The following SPIN1 variants were observed in gnomAD, a reference collection of about 807,000 sequenced individuals.
SPIN1 encodes the protein spindlin-1.
Under a neutral mutation model 26.0 loss-of-function variants are expected in SPIN1, and 3 were observed. That is an observed-to-expected ratio of 0.12 (90% CI 0.05 to 0.30). The LOEUF (loss-of-function observed/expected upper bound fraction) is 0.30, where lower values mean the gene tolerates loss of function less well. Among genes scored for constraint, SPIN1 ranks in the 10% least tolerant of loss-of-function variants. The pLI, the probability that SPIN1 is intolerant of heterozygous loss-of-function variation, is 1.00. For synonymous variants in SPIN1, 101 were observed against 116.5 expected (o/e 0.87, Z 0.86); for missense variants, 126 against 333.4 (o/e 0.38, Z 4.84).
At chr9:88,466,475 C>G (rs1037082361) in intron 4 of SPIN1, among the ~76,000 whole-genome samples, 1 of 152,136 alleles carries the variant, frequency 6.6e-6, no homozygotes, top group African/African-American at 2.4e-5. Context: ...TAAGAATGCA[C>G]ATGGAGTTCT....
At chr9:88,409,157 G>A (rs960313525) in intron 1 of SPIN1, among the ~76,000 whole-genome samples, 1 of 151,512 alleles carries the variant, frequency 6.6e-6, no homozygotes. Flanking sequence ...CACCATGCCC[G>A]GCTAATTTTG....
intron 1 of SPIN1, among the ~76,000 whole-genome samples, chr9:88,389,036 C>T (rs995393351): frequency 2.0e-5 from 3 of 151,616 alleles, no homozygotes; most frequent in African/African-American, 2.4e-5. Context: ...GACCCCGGCG[C>T]GACGGGTCGG....
chr9:88,461,850 T>C (rs996627728), intron 3 of SPIN1, among the ~76,000 whole-genome samples: 15 of 152,246 alleles, frequency 9.9e-5, no homozygotes, highest in Non-Finnish European at 2.9e-5. Context: ...GTTTGATGTT[T>C]CAATAATTTT....
At chr9:88,439,919 T>C (rs1186185981) in intron 2 of SPIN1, among the ~76,000 whole-genome samples, 1 of 152,236 alleles carries the variant, frequency 6.6e-6, no homozygotes, top group Non-Finnish European at 1.5e-5. Context: ...ATGTTGTTTT[T>C]GATCCACTCT....
intron 1 of SPIN1, among the ~76,000 whole-genome samples, chr9:88,413,187 C>T (rs977545647): frequency 1.3e-5 from 2 of 151,138 alleles, no homozygotes; most frequent in African/African-American, 4.9e-5. Context: ...CTGCCTCAGC[C>T]TCCTGAGTAG....
At chr9:88,457,842 G>C in intron 3 of SPIN1, 1 of 983,132 alleles carries the variant, frequency 1.0e-6, no homozygotes, top group Non-Finnish European at 1.2e-6. Flanking sequence ...AAAATACTAC[G>C]CAAAAAGCAA....
chr9:88,421,401 C>G (rs1827664245), intron 1 of SPIN1, among the ~76,000 whole-genome samples: 1 of 152,088 alleles, frequency 6.6e-6, no homozygotes, highest in African/African-American at 2.4e-5. Context: ...CTCCTGGTCT[C>G]ATGTGATCCT....
chr9:88,460,649 CAGG>C (rs1828560992), intron 3 of SPIN1, among the ~76,000 whole-genome samples: 1 of 152,108 alleles, frequency 6.6e-6, no homozygotes, highest in Admixed American at 6.5e-5. Context: ...AGTCCAAGGG[CAGG>C]AGAAGACTGA....
chr9:88,455,190 C>T (rs138800416), intron 3 of SPIN1, among the ~76,000 whole-genome samples: 107 of 152,304 alleles, frequency 7.0e-4, no homozygotes, highest in African/African-American at 2.4e-3. Flanking sequence ...TTCTGCCGGG[C>T]GCGGTGGCTC....
At chr9:88,462,118 T>C (rs1334898928) in intron 3 of SPIN1, among the ~76,000 whole-genome samples, 1 of 152,180 alleles carries the variant, frequency 6.6e-6, no homozygotes, top group Non-Finnish European at 1.5e-5. Flanking sequence ...TGATAACATG[T>C]ATTTCACGGA....
chr9:88,410,208 A>G (rs1827411212), intron 1 of SPIN1, among the ~76,000 whole-genome samples: 1 of 141,050 alleles, frequency 7.1e-6, no homozygotes, highest in Non-Finnish European at 1.5e-5. Context: ...TTTTTTTTTA[A>G]AGACATTTAT....
At chr9:88,389,062 C>T (rs1034018084) in intron 1 of SPIN1, among the ~76,000 whole-genome samples, 2 of 151,942 alleles carry the variant, frequency 1.3e-5, no homozygotes, top group African/African-American at 4.8e-5. Flanking sequence ...CCCGGGGACG[C>T]GGGCCTGCCC....
chr9:88,389,505 T>C (rs891497543), intron 1 of SPIN1: 24 of 152,256 alleles, frequency 1.6e-4, no homozygotes, highest in Admixed American at 2.6e-4. Context: ...TTTTTACTTA[T>C]AATTTTTGAA....
At chr9:88,464,682 C>T (rs989606477) in intron 4 of SPIN1, among the ~76,000 whole-genome samples, 1 of 152,178 alleles carries the variant, frequency 6.6e-6, no homozygotes, top group Non-Finnish European at 1.5e-5. Flanking sequence ...TCTTTATGAG[C>T]AGTGCATGGT....
intron 1 of SPIN1, among the ~76,000 whole-genome samples, chr9:88,423,390 A>G (rs536280914): frequency 3.9e-5 from 6 of 152,124 alleles, no homozygotes; most frequent in Admixed American, 3.9e-4. Context: ...GAGTCATGGG[A>G]TGTTTTTTAA....
rs182798570 is a variant in SPIN1 at position 88,470,784 on chromosome 9, G to A, written c.589+2179G>A. The stretch of plus-strand genomic sequence containing the variant: ...AATTTTTGTATTTTTAGTGGAGATG[G>A]GGTTTCACCATATTGGCCGGGCTCC... On this transcript the variant is annotated intron_variant, in intron 5 of 5. Transcript: ENST00000375859. Among the ~76,000 whole-genome samples, 402 of 152,202 alleles carry A rather than the reference G, an allele frequency of 2.6e-3. 2 individuals carry two copies. The highest frequency in any genetic ancestry group is 0.014 in the Middle Eastern group (4 of 294).
At chr9:88,393,310 T>C (rs745332798) in intron 1 of SPIN1, among the ~76,000 whole-genome samples, 37 of 151,924 alleles carry the variant, frequency 2.4e-4, no homozygotes, top group Non-Finnish European at 3.1e-4. Context: ...AACTAGGTTA[T>C]ATTTCTTTGT....
chr9:88,413,201 G>T (rs1288895452), intron 1 of SPIN1, among the ~76,000 whole-genome samples: 1 of 150,566 alleles, frequency 6.6e-6, no homozygotes, highest in Non-Finnish European at 1.5e-5. Context: ...TGAGTAGCTC[G>T]CACTACAGGT....
chr9:88,472,972 T>A (rs1297089498), intron 5 of SPIN1, among the ~76,000 whole-genome samples: 1 of 152,186 alleles, frequency 6.6e-6, no homozygotes, highest in Non-Finnish European at 1.5e-5. Flanking sequence ...GTAGGCCCTC[T>A]CCATACATTA....
Sources: allele counts gnomAD v4.1 joint callset (sites outside exome capture counted in the v4.1 genomes callset), GRCh38; gene constraint gnomAD v4.1.1; transcripts MANE v1.5; gene names NCBI Gene and HGNC (gene_info 2026-07-23, HGNC 2026-07-21).